Variants in TTC27 observed in about 807,000 individuals in gnomAD.
TTC27 encodes tetratricopeptide repeat domain 27, also known as tetratricopeptide repeat protein 27.
In TTC27, 79 loss-of-function variants were observed where a neutral mutation model predicts 115.9. The ratio of observed to expected loss-of-function variants is 0.68; its 90% confidence interval spans 0.57 to 0.82. TTC27 has a LOEUF of 0.82. Ranked by LOEUF, TTC27 falls within the 40% of genes least tolerant of loss-of-function variation. The probability of loss-of-function intolerance (pLI) is 0.00; values close to 1 mark genes in which losing one functional copy is unlikely to be tolerated. For synonymous variants in TTC27, 401 were observed against 356.0 expected, an observed-to-expected ratio of 1.13 and a Z score of -1.42; for missense variants, 1,054 against 993.1, an observed-to-expected ratio of 1.06 and a Z score of -0.82.
chr2:32,782,861 G>A (rs1670227383), intron 15 of TTC27, among the ~76,000 whole-genome samples, 183 bp downstream of exon 15: 1 of 152,030 alleles, frequency 6.6e-6, no homozygotes, highest in South Asian at 2.1e-4. Flanking sequence ...TAAATATACA[G>A]TTTATTTCTT....
chr2:32,737,853 T>C (rs745464530), intron 12 of TTC27, among the ~76,000 whole-genome samples: 9 of 151,648 alleles, frequency 5.9e-5, no homozygotes, highest in Non-Finnish European at 1.2e-4. Context: ...AAAACAAAAT[T>C]AAAAAATAAA....
At chr2:32,645,755 C>T (rs957351937) in intron 4 of TTC27, among the ~76,000 whole-genome samples, 14 of 151,740 alleles carry the variant, frequency 9.2e-5, no homozygotes, top group Non-Finnish European at 1.3e-4. Context: ...TTTACTCTGT[C>T]GCCCAGGCTG....
intron 10 of TTC27, among the ~76,000 whole-genome samples, chr2:32,715,081 G>T (rs1480219289): frequency 6.6e-6 from 1 of 151,954 alleles, no homozygotes; most frequent in Admixed American, 6.6e-5. Flanking sequence ...GTTTAATTTG[G>T]TTCCATTTGT....
chr2:32,715,176 G>C (rs1466138453), intron 10 of TTC27, among the ~76,000 whole-genome samples: 1 of 152,082 alleles, frequency 6.6e-6, no homozygotes, highest in African/African-American at 2.4e-5. Context: ...GTACTTTCTA[G>C]GTTATCTTCC....
At chr2:32,753,161 A>G (rs778068141) in intron 12 of TTC27, among the ~76,000 whole-genome samples, 35 of 152,106 alleles carry the variant, frequency 2.3e-4, no homozygotes, top group Non-Finnish European at 3.7e-4. Flanking sequence ...CACATGAATT[A>G]GCTTGGGCTT....
intron 13 of TTC27, among the ~76,000 whole-genome samples, chr2:32,776,877 C>T (rs2006939): frequency 0.82 from 124,937 of 152,190 alleles, 51,353 homozygotes; most frequent in Middle Eastern, 0.9. Context: ...CCCAAAGTGC[C>T]GGGATTACAG....
chr2:32,693,178 C>T (rs2151896008), intron 9 of TTC27, among the ~76,000 whole-genome samples: 1 of 152,172 alleles, frequency 6.6e-6, no homozygotes, highest in African/African-American at 2.4e-5. Context: ...TTTCGTGAAG[C>T]TAAAACTGAC....
intron 5 of TTC27, among the ~76,000 whole-genome samples, chr2:32,662,007 C>G (rs113958795): frequency 0.2 from 29,966 of 152,088 alleles, 3,491 homozygotes; most frequent in Middle Eastern, 0.36. Flanking sequence ...AAGGCCTTTT[C>G]TGCATCTATT....
At chr2:32,808,361 T>A (rs534724539) in intron 16 of TTC27, among the ~76,000 whole-genome samples, 44 of 152,324 alleles carry the variant, frequency 2.9e-4, no homozygotes, top group African/African-American at 1.1e-3. Context: ...ATTCCTCCAA[T>A]GTGGAACTCT....
chr2:32,649,875 G>A (rs902559452), intron 4 of TTC27, among the ~76,000 whole-genome samples: 1 of 151,858 alleles, frequency 6.6e-6, no homozygotes, highest in Admixed American at 6.6e-5. Flanking sequence ...GAGTTGGTAA[G>A]TTCAAAATGG....
At chr2:32,770,211 C>G (rs962424679) in intron 13 of TTC27, among the ~76,000 whole-genome samples, 16 of 152,184 alleles carry the variant, frequency 1.1e-4, no homozygotes, top group African/African-American at 3.9e-4. Flanking sequence ...TGAGTATTTA[C>G]TCAGTGCCAG....
chr2:32,656,094 G>T (rs1665305199), intron 5 of TTC27, among the ~76,000 whole-genome samples: 1 of 151,344 alleles, frequency 6.6e-6, no homozygotes, highest in Non-Finnish European at 1.5e-5. Context: ...ATTTCATAAT[G>T]TCTTTTTTTT....
intron 16 of TTC27, among the ~76,000 whole-genome samples, chr2:32,798,704 C>CAAAAAAAA (rs1168987401): frequency 0.011 from 1,341 of 120,962 alleles, 12 homozygotes; most frequent in African/African-American, 0.018. Flanking sequence ...GACTCCAGCT[C>CAAAAAAAA]AAAAAAAAAA....
chr2:32,630,742 T>A (rs1211011094), intron 2 of TTC27, 42 bp downstream of exon 2: 2 of 1,551,968 alleles, frequency 1.3e-6, no homozygotes, highest in South Asian at 2.4e-5. Flanking sequence ...ACAGAGCAAA[T>A]ACATTTAATA....
chr2:32,751,503 G>A (rs932285497), intron 12 of TTC27, among the ~76,000 whole-genome samples: 3 of 152,100 alleles, frequency 2.0e-5, no homozygotes, highest in Non-Finnish European at 4.4e-5. Context: ...CACTCACAGT[G>A]AAGGGAAGAG....
At chr2:32,765,937 T>A (rs747059269) in intron 13 of TTC27, among the ~76,000 whole-genome samples, 26 of 152,238 alleles carry the variant, frequency 1.7e-4, no homozygotes, top group Admixed American at 7.2e-4. Context: ...GAGAATGTTA[T>A]GGCTGGTTTG....
intron 16 of TTC27, among the ~76,000 whole-genome samples, chr2:32,793,528 G>A (rs1418578603): frequency 1.3e-5 from 2 of 152,086 alleles, no homozygotes; most frequent in African/African-American, 2.4e-5. Flanking sequence ...AATGTTTGTT[G>A]TTGTTGTTGT....
At chr2:32,751,045 G>A (rs367989359) in intron 12 of TTC27, among the ~76,000 whole-genome samples, 1 of 152,102 alleles carries the variant, frequency 6.6e-6, no homozygotes, top group Non-Finnish European at 1.5e-5. Context: ...CTGGTAAAAG[G>A]CTGCTATATC....
intron 15 of TTC27, among the ~76,000 whole-genome samples, chr2:32,786,676 C>T (rs566265426): frequency 6.0e-4 from 92 of 152,276 alleles, no homozygotes; most frequent in African/African-American, 2.2e-3. Context: ...AGATTTGGAA[C>T]TTGAGTGTGC....
Sources: gnomAD v4.1 joint callset for allele counts (sites outside exome capture counted in the v4.1 genomes callset) on GRCh38, gnomAD v4.1.1 for gene constraint, MANE v1.5 for transcripts, NCBI Gene and HGNC (gene_info 2026-07-23, HGNC 2026-07-21) for gene names.